The following CTDSPL variants were observed in gnomAD, a reference collection of about 807,000 sequenced individuals.
The protein encoded by CTDSPL is CTD small phosphatase-like protein.
CTDSPL carries 8 observed loss-of-function variants against 30.5 expected under a neutral mutation model. That is an observed-to-expected ratio of 0.26 (90% confidence interval 0.15 to 0.47). The LOEUF (loss-of-function observed/expected upper bound fraction) is 0.47, where lower values mean the gene tolerates loss of function less well. Among genes scored for constraint, CTDSPL ranks in the 20% least tolerant of loss-of-function variants. The pLI is 0.99. For missense variants in CTDSPL, 248 were observed against 366.1 expected (o/e 0.68, Z 2.63); for synonymous variants, 110 against 137.9 (o/e 0.80, Z 1.42).
Position 37,884,178 on chromosome 3 carries a change from G to GA in CTDSPL, c.79+21907dup, listed in dbSNP as rs1045049951. Among the ~76,000 whole-genome samples the GA allele has an allele frequency of 9.9e-5, 15 of 151,990 alleles. No homozygotes were observed. The East Asian group carries it at 2.7e-3, about 27-fold the overall frequency. ...ATTACCTATAATAGCAAAAAATATT[G>GA]AAAAAAATCAATAGGGGACAAGGAA... On this transcript the variant is annotated intron_variant, in intron 1 of 7. Transcript: ENST00000273179.
chr3:37,906,328 T>C (rs1248713402), intron 1 of CTDSPL, among the ~76,000 whole-genome samples: 3 of 152,180 alleles, frequency 2.0e-5, no homozygotes, highest in Non-Finnish European at 4.4e-5. Context: ...CAGCCTCTCC[T>C]TCCTCACCCT....
At chr3:37,876,408 G>A (rs1412611858) in intron 1 of CTDSPL, among the ~76,000 whole-genome samples, 1 of 152,116 alleles carries the variant, frequency 6.6e-6, no homozygotes, top group Non-Finnish European at 1.5e-5. Context: ...ATTATCTGTG[G>A]TGGTACCATT....
intron 6 of CTDSPL, among the ~76,000 whole-genome samples, chr3:37,972,157 A>G (rs1051488223): frequency 6.6e-6 from 1 of 152,198 alleles, no homozygotes; most frequent in Non-Finnish European, 1.5e-5. Flanking sequence ...GCATTGTCAC[A>G]TGATAAGCAC....
chr3:37,958,522 T>G (rs1263744236), intron 3 of CTDSPL, among the ~76,000 whole-genome samples: 2 of 152,190 alleles, frequency 1.3e-5, no homozygotes, highest in African/African-American at 4.8e-5. Flanking sequence ...ACTATTACTG[T>G]TTTTTCTTAA....
chr3:37,949,556 T>C (rs1303115203), intron 2 of CTDSPL, among the ~76,000 whole-genome samples: 1 of 152,214 alleles, frequency 6.6e-6, no homozygotes, highest in East Asian at 1.9e-4. Flanking sequence ...CACATACACA[T>C]ACAAGCATTT....
At chr3:37,866,743 C>T (rs977542109) in intron 1 of CTDSPL, among the ~76,000 whole-genome samples, 9 of 152,098 alleles carry the variant, frequency 5.9e-5, no homozygotes, top group Admixed American at 2.0e-4. Flanking sequence ...GGTGTGTTTC[C>T]TTTAAATGTT....
chr3:37,875,408 A>T (rs1169935982), intron 1 of CTDSPL, among the ~76,000 whole-genome samples: 1 of 152,250 alleles, frequency 6.6e-6, no homozygotes, highest in Non-Finnish European at 1.5e-5. Context: ...TATTTAAAGC[A>T]CTTTAAAAAT....
intron 1 of CTDSPL, among the ~76,000 whole-genome samples, chr3:37,914,157 T>G (rs925769908): frequency 4.6e-5 from 7 of 152,214 alleles, no homozygotes; most frequent in African/African-American, 1.7e-4. Context: ...TGTTACATAT[T>G]TTTATTTACT....
intron 1 of CTDSPL, among the ~76,000 whole-genome samples, chr3:37,912,248 G>A (rs996919962): frequency 1.3e-5 from 2 of 152,192 alleles, no homozygotes; most frequent in African/African-American, 4.8e-5. Context: ...TGGAGGGGAG[G>A]CCGGTTCTTT....
intron 3 of CTDSPL, among the ~76,000 whole-genome samples, chr3:37,958,973 G>A (rs1255134591): frequency 1.3e-5 from 2 of 152,300 alleles, no homozygotes; most frequent in Non-Finnish European, 2.9e-5. Context: ...CTGAAAAGGC[G>A]CCAGGTTGCA....
intron 1 of CTDSPL, among the ~76,000 whole-genome samples, chr3:37,910,559 A>G (rs1373004979): frequency 6.6e-6 from 1 of 152,214 alleles, no homozygotes; most frequent in Non-Finnish European, 1.5e-5. Context: ...AGTTGAATTC[A>G]TGGTAAAGGT....
At chr3:37,896,635 C>G (rs1266397430) in intron 1 of CTDSPL, among the ~76,000 whole-genome samples, 2 of 151,984 alleles carry the variant, frequency 1.3e-5, no homozygotes, top group Non-Finnish European at 2.9e-5. Flanking sequence ...CTCCCGGGCT[C>G]AAGGGTTCTT....
chr3:37,950,849 T>C (rs954417106), intron 2 of CTDSPL, among the ~76,000 whole-genome samples: 9 of 152,186 alleles, frequency 5.9e-5, no homozygotes, highest in African/African-American at 1.9e-4. Flanking sequence ...AAAACAATTA[T>C]ATTAGTATCA....
chr3:37,863,173 C>T (rs904836833), intron 1 of CTDSPL, among the ~76,000 whole-genome samples: 3 of 152,230 alleles, frequency 2.0e-5, no homozygotes, highest in Non-Finnish European at 4.4e-5. Context: ...GGAGGACTTA[C>T]AAGGCCTGGC....
chr3:37,943,258 A>T (rs1160002387), intron 1 of CTDSPL, among the ~76,000 whole-genome samples: 2 of 150,136 alleles, frequency 1.3e-5, no homozygotes, highest in Non-Finnish European at 3.0e-5. Flanking sequence ...AGAACAAATG[A>T]TCTCCATGGG....
At chr3:37,947,826 C>A (rs1699056958) in intron 2 of CTDSPL, among the ~76,000 whole-genome samples, 2 of 152,112 alleles carry the variant, frequency 1.3e-5, no homozygotes, top group African/African-American at 4.8e-5. Context: ...GAAGAGCTAG[C>A]AATAAAATAA....
At chr3:37,958,488 A>ATCTC (rs1289724492) in intron 3 of CTDSPL, among the ~76,000 whole-genome samples, 3 of 152,168 alleles carry the variant, frequency 2.0e-5, no homozygotes, top group African/African-American at 7.2e-5. Context: ...GGCAGGTAGC[A>ATCTC]TCTCTCCTTC....
intron 1 of CTDSPL, among the ~76,000 whole-genome samples, chr3:37,902,857 G>T (rs1367275435): frequency 6.6e-6 from 1 of 152,182 alleles, no homozygotes; most frequent in Non-Finnish European, 1.5e-5. Context: ...TGTGGCAAGT[G>T]CTCACTGGAT....
At chr3:37,929,302 T>C (rs1698821668) in intron 1 of CTDSPL, among the ~76,000 whole-genome samples, 1 of 152,206 alleles carries the variant, frequency 6.6e-6, no homozygotes, top group Admixed American at 6.5e-5. Context: ...TTGTTTTTCC[T>C]GTTTCTGCAA....
Sources: allele counts gnomAD v4.1 joint callset (sites outside exome capture counted in the v4.1 genomes callset), GRCh38; gene constraint gnomAD v4.1.1; transcripts MANE v1.5; gene names NCBI Gene and HGNC (gene_info 2026-07-23, HGNC 2026-07-21).